The following AKT3 variants were observed in gnomAD, a reference collection of about 807,000 sequenced individuals.
AKT3 encodes the protein AKT serine/threonine kinase 3, also known as RAC-gamma serine/threonine-protein kinase.
A neutral mutation model predicts 65.3 loss-of-function variants in AKT3; 15 were observed. The ratio of observed to expected loss-of-function variants is 0.23; its 90% CI spans 0.15 to 0.35. The LOEUF is 0.35. Among genes scored for constraint, AKT3 ranks in the 10% least tolerant of loss-of-function variants. The pLI is 1.00. For synonymous variants in AKT3, 206 were observed against 183.8 expected (o/e 1.12, Z -0.98); for missense variants, 243 against 576.5 (o/e 0.42, Z 5.92).
At chr1:243,715,726 T>C (rs765195364) in intron 2 of AKT3, among the ~76,000 whole-genome samples, 37 of 152,282 alleles carry the variant, frequency 2.4e-4, no homozygotes, top group South Asian at 1.4e-3. Context: ...CTTTTCATTA[T>C]TTTGAAAACA....
intron 2 of AKT3, among the ~76,000 whole-genome samples, chr1:243,796,991 T>C (rs1328079628): frequency 1.3e-5 from 2 of 152,176 alleles, no homozygotes; most frequent in African/African-American, 2.4e-5. Flanking sequence ...AAAAAATTAC[T>C]GTTTAATGGC....
chr1:243,618,125 GTTAT>G (rs1678467750), intron 6 of AKT3, among the ~76,000 whole-genome samples: 2 of 152,106 alleles, frequency 1.3e-5, no homozygotes, highest in African/African-American at 2.4e-5. Context: ...ACGCATAATA[GTTAT>G]TTTTCTAAAT....
intron 10 of AKT3, among the ~76,000 whole-genome samples, chr1:243,558,792 A>C (rs1008655488): frequency 1.3e-5 from 2 of 152,116 alleles, no homozygotes; most frequent in African/African-American, 4.8e-5. Flanking sequence ...GTGTGATCAC[A>C]TAAGCATGTG....
intron 8 of AKT3, among the ~76,000 whole-genome samples, chr1:243,587,307 T>G (rs1004575405): frequency 4.6e-5 from 7 of 152,050 alleles, no homozygotes; most frequent in African/African-American, 1.4e-4. Context: ...TCCTAGAAAT[T>G]TCCTTAAAAA....
intron 12 of AKT3, among the ~76,000 whole-genome samples, chr1:243,527,934 CACAGAGAGAGAGAG>C (rs1671265577): frequency 3.4e-5 from 1 of 29,100 alleles, no homozygotes; most frequent in African/African-American, 9.2e-5. Flanking sequence ...CACACACACA[CACAGAGAGAGAGAG>C]AGAGAGAGAG....
intron 8 of AKT3, among the ~76,000 whole-genome samples, chr1:243,610,090 A>G (rs1677759174): frequency 6.6e-6 from 1 of 152,246 alleles, no homozygotes; most frequent in Non-Finnish European, 1.5e-5. Flanking sequence ...AGTGCCTTCC[A>G]CAAAGACTTA....
chr1:243,816,398 G>A (rs558950330), intron 2 of AKT3, among the ~76,000 whole-genome samples: 20 of 152,246 alleles, frequency 1.3e-4, no homozygotes, highest in Middle Eastern at 6.8e-3. Flanking sequence ...AGCTGGTCAT[G>A]TTCCACTAGA....
intron 7 of AKT3, among the ~76,000 whole-genome samples, 193 bp downstream of exon 7, chr1:243,614,903 G>T (rs1025233677): frequency 1.6e-4 from 24 of 151,940 alleles, no homozygotes; most frequent in Non-Finnish European, 3.1e-4. Flanking sequence ...ATGCATAATG[G>T]GAGGAATTAT....
chr1:243,622,127 T>C (rs1022002809), intron 6 of AKT3, among the ~76,000 whole-genome samples: 2 of 152,216 alleles, frequency 1.3e-5, no homozygotes, highest in African/African-American at 2.4e-5. Context: ...ACCATTCTTG[T>C]TCCACACCAT....
intron 10 of AKT3, among the ~76,000 whole-genome samples, chr1:243,556,581 G>A (rs973877494): frequency 6.6e-6 from 1 of 151,940 alleles, no homozygotes; most frequent in African/African-American, 2.4e-5. Flanking sequence ...ACAGATGGGG[G>A]AAAAAATTAA....
rs1246769326 is a variant in AKT3 at position 243,505,250 on chromosome 1, T to C, written c.1439A>G (p.Ter480=). 2.5e-6 allele frequency: 4 copies of C among 1,612,360 alleles called. No individual in the cohort carries two copies. The African/African-American group carries it at 5.3e-5, about 22-fold the overall frequency. ...GTGAAGTAGCAGAATGAAAGAGACT[T>C]ATTCTCGTCCACTTGCAGAGTAGGA... ...QFSYSASGRE[*] The change falls in exon 14 of 14, where the codon TAA becomes TGA. Residue 480 remains the stop codon, a stop_retained_variant. Transcript: ENST00000673466.
chr1:243,542,464 C>T (rs1465116438), intron 12 of AKT3, among the ~76,000 whole-genome samples: 2 of 152,000 alleles, frequency 1.3e-5, no homozygotes, highest in Admixed American at 6.6e-5. Context: ...TCAACAGATG[C>T]CAGAATCTCT....
intron 6 of AKT3, among the ~76,000 whole-genome samples, chr1:243,632,041 A>G (rs1288874848): frequency 1.3e-5 from 2 of 152,162 alleles, no homozygotes; most frequent in Non-Finnish European, 2.9e-5. Flanking sequence ...ACACACTCCT[A>G]TTAATGTTGA....
At chr1:243,588,239 G>A (rs542033788) in intron 8 of AKT3, among the ~76,000 whole-genome samples, 4 of 152,282 alleles carry the variant, frequency 2.6e-5, no homozygotes, top group African/African-American at 7.2e-5. Context: ...AGCAATGCAT[G>A]TGTAGGGTTT....
chr1:243,548,986 T>C (rs1672865201), intron 11 of AKT3, among the ~76,000 whole-genome samples: 1 of 152,132 alleles, frequency 6.6e-6, no homozygotes, highest in Admixed American at 6.5e-5. Context: ...TCAAGGTCCT[T>C]GTTAGCTTTC....
At chr1:243,738,454 T>C (rs1687964438) in intron 2 of AKT3, among the ~76,000 whole-genome samples, 1 of 152,224 alleles carries the variant, frequency 6.6e-6, no homozygotes, top group Non-Finnish European at 1.5e-5. Flanking sequence ...ATTCATCAGA[T>C]ACTGTTAGGG....
At chr1:243,552,657 T>A in intron 11 of AKT3, 72 bp downstream of exon 11, 1 of 1,372,862 alleles carries the variant, frequency 7.3e-7, no homozygotes. Flanking sequence ...TTAGTTATAT[T>A]TGAATTAATT....
intron 8 of AKT3, among the ~76,000 whole-genome samples, chr1:243,583,101 T>C (rs1675497615): frequency 1.4e-5 from 2 of 147,270 alleles, no homozygotes; most frequent in Admixed American, 1.4e-4. Flanking sequence ...TATATATATA[T>C]CTCTCTCTCT....
chr1:243,814,312 A>C (rs968275270), intron 2 of AKT3, among the ~76,000 whole-genome samples: 1 of 152,198 alleles, frequency 6.6e-6, no homozygotes, highest in African/African-American at 2.4e-5. Context: ...TTAAGTATAG[A>C]ACCCTATTAT....
Sources: gnomAD v4.1 joint callset for allele counts (sites outside exome capture counted in the v4.1 genomes callset) on GRCh38, gnomAD v4.1.1 for gene constraint, MANE v1.5 for transcripts, NCBI Gene and HGNC (gene_info 2026-07-23, HGNC 2026-07-21) for gene names.